The following MYH11 variants were observed in gnomAD, a reference collection of about 807,000 sequenced individuals.
MYH11 encodes myosin heavy chain 11.
Under a neutral mutation model 246.6 loss-of-function variants are expected in MYH11, and 80 were observed. The ratio of observed to expected loss-of-function variants is 0.32; its 90% confidence interval spans 0.27 to 0.39. The LOEUF (loss-of-function observed/expected upper bound fraction) is 0.39. Ranked by LOEUF, MYH11 falls within the 10% of genes least tolerant of loss-of-function variation. The probability of loss-of-function intolerance (pLI) is 1.00; values close to 1 mark genes in which losing one functional copy is unlikely to be tolerated. For missense variants in MYH11, 2,158 were observed against 2,546.8 expected, an observed-to-expected ratio of 0.85 and a Z score of 3.29; for synonymous variants, 1,071 against 1,015.5, an observed-to-expected ratio of 1.05 and a Z score of -1.04.
chr16:15,812,896 G>T (rs2043173295), intron 3 of MYH11, among the ~76,000 whole-genome samples: 1 of 149,654 alleles, frequency 6.7e-6, no homozygotes, highest in African/African-American at 2.5e-5. Flanking sequence ...ACTGGGCACG[G>T]TGGCTCATGC....
At chr16:15,848,985 C>G (rs1279984315) in intron 1 of MYH11, among the ~76,000 whole-genome samples, 1 of 152,186 alleles carries the variant, frequency 6.6e-6, no homozygotes, top group African/African-American at 2.4e-5. Flanking sequence ...TGCATCAGCT[C>G]CAAGGGCTGA....
intron 3 of MYH11, among the ~76,000 whole-genome samples, chr16:15,801,341 A>G (rs1176715328): frequency 6.6e-6 from 1 of 152,066 alleles, no homozygotes; most frequent in Non-Finnish European, 1.5e-5. Context: ...GCATAGTGTT[A>G]TACCTTTTGT....
chr16:15,720,426 G>C (rs1880571032), intron 33 of MYH11, 114 bp from the exon 34 acceptor site: 1 of 1,387,968 alleles, frequency 7.2e-7, no homozygotes, highest in Admixed American at 2.0e-5. Flanking sequence ...TGTGAGGTGG[G>C]CATCTCATCC....
chr16:15,720,380 G>GCACAT, intron 33 of MYH11, 68 bp from the exon 34 acceptor site: 2 of 1,542,372 alleles, frequency 1.3e-6, no homozygotes, highest in Non-Finnish European at 1.8e-6. Flanking sequence ...CACCTAGGCA[G>GCACAT]CACATCACTG....
intron 9 of MYH11, among the ~76,000 whole-genome samples, chr16:15,765,936 A>G (rs1340496195): frequency 2.0e-5 from 3 of 152,200 alleles, no homozygotes; most frequent in African/African-American, 2.4e-5. Context: ...GAGCCGGCCA[A>G]CTCAGGGTTT....
At chr16:15,707,959 C>CAAAA (rs59081092) in intron 40 of MYH11, among the ~76,000 whole-genome samples, 1 of 115,950 alleles carries the variant, frequency 8.6e-6, no homozygotes, top group Non-Finnish European at 1.8e-5. Flanking sequence ...GACTCCGTCT[C>CAAAA]AAAAAAAAAA....
At position 15,836,046 on chromosome 16, in the gene MYH11, G is replaced by A. The variant is rs150058918; in HGVS notation, c.345+1862C>T. ...ATTACAGGCATGAGCCACTATGCCC[G>A]GCTCCCAAGAGGCTGGCACTATTCT... is the stretch of plus-strand genomic sequence containing the variant. On this transcript the variant is annotated intron_variant, in intron 2 of 40. Coordinates refer to ENST00000300036, the MANE Select transcript of MYH11 (RefSeq NM_002474.3). Among the ~76,000 whole-genome samples, 269 of 152,096 alleles carry A rather than the reference G, an allele frequency of 1.8e-3. 4 individuals are homozygous for A. Among genetic ancestry groups the A allele is most frequent in the African/African-American group, 6.4e-3 (266 of 41,504 alleles).
chr16:15,771,356 C>T (rs575769843), intron 9 of MYH11, among the ~76,000 whole-genome samples: 2 of 151,712 alleles, frequency 1.3e-5, no homozygotes, highest in African/African-American at 2.4e-5. Context: ...TAAGCCAGCT[C>T]GGGTTACTTG....
chr16:15,806,616 G>A (rs186505621), intron 3 of MYH11, among the ~76,000 whole-genome samples: 133 of 152,190 alleles, frequency 8.7e-4, no homozygotes, highest in Admixed American at 1.5e-3. Flanking sequence ...AAATTATACC[G>A]CATAAACCTT....
intron 10 of MYH11, among the ~76,000 whole-genome samples, chr16:15,762,372 CA>C (rs967970560): frequency 2.0e-5 from 3 of 152,090 alleles, no homozygotes. Context: ...CAAATTAGCC[CA>C]AAGGTTTGAA....
At chr16:15,781,991 A>T (rs948183396) in intron 6 of MYH11, among the ~76,000 whole-genome samples, 1 of 152,174 alleles carries the variant, frequency 6.6e-6, no homozygotes, top group African/African-American at 2.4e-5. Flanking sequence ...GTTACATAAA[A>T]TGGTATCGGA....
intron 25 of MYH11, among the ~76,000 whole-genome samples, chr16:15,735,866 A>C (rs898002399): frequency 1.3e-5 from 2 of 152,232 alleles, no homozygotes; most frequent in Non-Finnish European, 2.9e-5. Context: ...TTGACCCCAG[A>C]CTGGCAAGGT....
chr16:15,822,930 A>C (rs1477012069), intron 3 of MYH11, among the ~76,000 whole-genome samples: 1 of 152,232 alleles, frequency 6.6e-6, no homozygotes, highest in Non-Finnish European at 1.5e-5. Flanking sequence ...GTGTCAACAC[A>C]GACCACAATG....
At chr16:15,746,205 G>A (rs1380120947) in intron 19 of MYH11, among the ~76,000 whole-genome samples, 1 of 151,998 alleles carries the variant, frequency 6.6e-6, no homozygotes, top group African/African-American at 2.4e-5. Flanking sequence ...GGGATTACAG[G>A]TGTCAGCTAC....
At chr16:15,778,375 C>T (rs1330220596) in intron 7 of MYH11, among the ~76,000 whole-genome samples, 3 of 152,182 alleles carry the variant, frequency 2.0e-5, no homozygotes, top group African/African-American at 4.8e-5. Context: ...ATAGACACTA[C>T]GTAGCCAGCC....
At chr16:15,745,260 T>C in intron 19 of MYH11, 23 bp from the exon 20 acceptor site, 3 of 1,326,736 alleles carry the variant, frequency 2.3e-6, no homozygotes, top group Middle Eastern at 1.9e-4. Context: ...GAAGAGAAGG[T>C]GCGGGGGTCA....
chr16:15,705,670 G>A (rs904711), intron 40 of MYH11, among the ~76,000 whole-genome samples: 2,536 of 152,150 alleles, frequency 0.017, 73 homozygotes, highest in African/African-American at 0.058. Flanking sequence ...ACAACTCAGT[G>A]ACCAATTCTT....
At chr16:15,746,897 G>A (rs1265873839) in intron 19 of MYH11, among the ~76,000 whole-genome samples, 1 of 152,170 alleles carries the variant, frequency 6.6e-6, no homozygotes, top group African/African-American at 2.4e-5. Flanking sequence ...AGACCAGCCT[G>A]GCCAACATGG....
rs182700462 is a variant in MYH11 at position 15,786,723 on chromosome 16, A to G, written c.540T>C (p.Ser180=). The change falls in exon 5 of 41, where the codon TCT becomes TCC. Residue 180 remains serine, a synonymous_variant. Transcript: ENST00000300036. ...EDQSILCTGE[S]GAGKTENTKK... Reference sequence around the variant, plus strand: ...TGGTGTTTTCGGTTTTCCCGGCTCCAGACTCGCCTCTGAAAGACACGGGAA... The same window carrying G: ...TGGTGTTTTCGGTTTTCCCGGCTCCGGACTCGCCTCTGAAAGACACGGGAA... 23 of 1,614,010 alleles carry G rather than the reference A, an allele frequency of 1.4e-5. No individual in the cohort carries two copies. The highest frequency in any genetic ancestry group is 6.7e-5 in the Admixed American group (4 of 60,004).
Sources: allele counts gnomAD v4.1 joint callset (sites outside exome capture counted in the v4.1 genomes callset), GRCh38; gene constraint gnomAD v4.1.1; transcripts MANE v1.5; gene names NCBI Gene and HGNC (gene_info 2026-07-23, HGNC 2026-07-21).